The following RASAL2 variants were observed in gnomAD, a reference collection of about 807,000 sequenced individuals.
RASAL2 encodes the protein RAS protein activator like 2.
Under a neutral mutation model 128.9 loss-of-function variants are expected in RASAL2, and 58 were observed. The ratio of observed to expected loss-of-function variants is 0.45; its 90% confidence interval spans 0.36 to 0.56. The LOEUF (loss-of-function observed/expected upper bound fraction) is 0.56. RASAL2 is among the 20% of genes least tolerant of loss of function. The probability of loss-of-function intolerance (pLI) is 0.00; values close to 1 mark genes in which losing one functional copy is unlikely to be tolerated. For synonymous variants in RASAL2, 561 were observed against 580.8 expected (o/e 0.97, Z 0.49); for missense variants, 1,360 against 1,601.6 (o/e 0.85, Z 2.57).
At chr1:178,167,746 T>C (rs1004098794) in intron 1 of RASAL2, among the ~76,000 whole-genome samples, 7 of 152,136 alleles carry the variant, frequency 4.6e-5, no homozygotes, top group African/African-American at 1.7e-4. Context: ...TTTTTTTAAA[T>C]TTCTATGCTA....
intron 3 of RASAL2, among the ~76,000 whole-genome samples, chr1:178,375,619 A>G (rs768458388): frequency 9.9e-5 from 15 of 152,114 alleles, no homozygotes; most frequent in Non-Finnish European, 1.8e-4. Flanking sequence ...CACGTGGAAT[A>G]CTCCTTGTGC....
At chr1:178,180,102 G>A (rs775061334) in intron 1 of RASAL2, among the ~76,000 whole-genome samples, 4 of 152,002 alleles carry the variant, frequency 2.6e-5, no homozygotes, top group South Asian at 2.1e-4. Flanking sequence ...TAATCCTGTC[G>A]TTGTATGTAG....
chr1:178,130,917 GGT>G (rs1242854246), intron 1 of RASAL2, among the ~76,000 whole-genome samples: 2 of 152,004 alleles, frequency 1.3e-5, no homozygotes, highest in Non-Finnish European at 2.9e-5. Flanking sequence ...AGCCGGGCGC[GGT>G]GGTGGGTGCC....
chr1:178,283,929 C>T (rs1666904415), intron 2 of RASAL2, among the ~76,000 whole-genome samples: 1 of 152,052 alleles, frequency 6.6e-6, no homozygotes, highest in Non-Finnish European at 1.5e-5. Flanking sequence ...CTGAGTTAAA[C>T]TGAGGAGTTT....
intron 3 of RASAL2, among the ~76,000 whole-genome samples, chr1:178,328,276 G>T (rs908420623): frequency 6.6e-6 from 1 of 151,394 alleles, no homozygotes; most frequent in Admixed American, 6.6e-5. Flanking sequence ...TTTTTAATTT[G>T]TATGGGTACA....
chr1:178,265,888 G>C (rs1002275625), intron 1 of RASAL2, among the ~76,000 whole-genome samples: 1 of 151,824 alleles, frequency 6.6e-6, no homozygotes. Context: ...ATCTTTTTTT[G>C]CTCAACGTTA....
intron 5 of RASAL2, among the ~76,000 whole-genome samples, chr1:178,421,736 A>G (rs1572044510): frequency 6.6e-6 from 1 of 152,060 alleles, no homozygotes; most frequent in East Asian, 1.9e-4. Flanking sequence ...GCAGATGATT[A>G]CTGTCTTTAT....
At chr1:178,256,234 T>A (rs1665337201) in intron 1 of RASAL2, among the ~76,000 whole-genome samples, 1 of 152,148 alleles carries the variant, frequency 6.6e-6, no homozygotes, top group African/African-American at 2.4e-5. Flanking sequence ...ATATATCATA[T>A]TAATAGAATA....
chr1:178,454,706 CT>C, intron 12 of RASAL2, 58 bp downstream of exon 12: 1 of 1,470,894 alleles, frequency 6.8e-7, no homozygotes, highest in Non-Finnish European at 9.5e-7. Flanking sequence ...TGGAAAGTAA[CT>C]ATAGAGTGAT....
chr1:178,404,063 A>G (rs1292754970), intron 4 of RASAL2, among the ~76,000 whole-genome samples: 1 of 151,838 alleles, frequency 6.6e-6, no homozygotes, highest in Non-Finnish European at 1.5e-5. Context: ...CATCTCTACT[A>G]AAAATACAAA....
At chr1:178,189,150 T>C (rs1264375178) in intron 1 of RASAL2, among the ~76,000 whole-genome samples, 1 of 152,228 alleles carries the variant, frequency 6.6e-6, no homozygotes, top group African/African-American at 2.4e-5. Context: ...TCTCCCAAAC[T>C]ACTATTTTAT....
chr1:178,295,235 T>C (rs1256946744), intron 2 of RASAL2, among the ~76,000 whole-genome samples: 9 of 151,210 alleles, frequency 6.0e-5, no homozygotes, highest in African/African-American at 2.2e-4. Context: ...TTGGCATTTT[T>C]TTTCTCCCAA....
chr1:178,467,376 G>T lies in RASAL2; in HGVS notation c.3633G>T (p.Glu1211Asp), dbSNP rs1470808093. ...AGGAACTGAAGAAGGATCATGCTGA[G>T]ATGCAAGCAGTTATTGATGCAAAGC... ...VEEELKKDHA[E>D]MQAVIDAKQK... Residue 1211 changes from glutamate to aspartate, a missense_variant, in exon 17 of 18, where the codon GAG becomes GAT. Glu to Asp is a conservative substitution (Grantham distance 45). This residue lies in a region of RASAL2 where 741 missense variants were observed against 868.6 expected (regional missense o/e 0.85). Transcript: ENST00000367649. The T allele has an allele frequency of 6.2e-7, 1 of 1,614,050 alleles. No individual in the cohort carries two copies. The highest frequency in any genetic ancestry group is 8.5e-7 in the Non-Finnish European group (1 of 1,180,032).
At chr1:178,447,068 G>A (rs1342689618) in intron 9 of RASAL2, among the ~76,000 whole-genome samples, 1 of 152,174 alleles carries the variant, frequency 6.6e-6, no homozygotes, top group Non-Finnish European at 1.5e-5. Context: ...AACCTCAAAT[G>A]CCTGGGTGAA....
intron 3 of RASAL2, among the ~76,000 whole-genome samples, chr1:178,324,821 G>T (rs1668959270): frequency 6.6e-6 from 1 of 152,110 alleles, no homozygotes; most frequent in Admixed American, 6.6e-5. Context: ...TTATAAATCA[G>T]ATTGGTGGAA....
intron 5 of RASAL2, among the ~76,000 whole-genome samples, chr1:178,425,473 G>T (rs1215246375): frequency 6.6e-6 from 1 of 152,108 alleles, no homozygotes; most frequent in African/African-American, 2.4e-5. Flanking sequence ...ACAAACAGAT[G>T]TAGTTACCTA....
chr1:178,141,597 C>G (rs575280021), intron 1 of RASAL2, among the ~76,000 whole-genome samples: 3 of 152,134 alleles, frequency 2.0e-5, no homozygotes, highest in South Asian at 4.1e-4. Context: ...GGTTGGCCGT[C>G]GACTGCTCCA....
chr1:178,230,359 T>C (rs752491516), intron 1 of RASAL2, among the ~76,000 whole-genome samples: 1 of 152,212 alleles, frequency 6.6e-6, no homozygotes. Context: ...TAACTTTTTT[T>C]AAAAAACTGC....
At position 178,459,742 on chromosome 1, in the gene RASAL2, T is replaced by C. The variant is rs533082514; in HGVS notation, c.3252+1198T>C. ...ACTTAAGCTGTTTCTGGAAGCAGACTTCCTGGGCTAAACCTCCTAGTTGGT... is the reference window on the plus strand; with the variant it reads ...ACTTAAGCTGTTTCTGGAAGCAGACCTCCTGGGCTAAACCTCCTAGTTGGT... On this transcript the variant is annotated intron_variant, in intron 14 of 17. Coordinates refer to ENST00000367649, the MANE Select transcript of RASAL2 (RefSeq NM_170692.4). Among the ~76,000 whole-genome samples the C allele has an allele frequency of 1.2e-4, 19 of 152,352 alleles. No homozygotes were observed. The South Asian group carries it at 3.5e-3, about 28-fold the overall frequency.
Sources: allele counts gnomAD v4.1 joint callset (sites outside exome capture counted in the v4.1 genomes callset), GRCh38; gene constraint gnomAD v4.1.1; regional missense constraint gnomAD v4.1.1; transcripts MANE v1.5; gene names NCBI Gene and HGNC (gene_info 2026-07-23, HGNC 2026-07-21).